The following SH3BP5L variants were observed in gnomAD, a reference collection of about 807,000 sequenced individuals.
SH3BP5L encodes SH3 binding domain protein 5 like, also known as SH3 domain-binding protein 5-like.
In SH3BP5L, 16 loss-of-function variants were observed where a neutral mutation model predicts 40.9. That is an observed-to-expected ratio of 0.39 (90% CI 0.27 to 0.59). The LOEUF is 0.59. Among genes scored for constraint, SH3BP5L ranks in the 20% least tolerant of loss-of-function variants. The pLI is 0.53. For missense variants in SH3BP5L, 471 were observed against 544.6 expected (o/e 0.86, Z 1.35); for synonymous variants, 229 against 226.7 (o/e 1.01, Z -0.09).
rs909175950 is a variant in SH3BP5L, at chr1:248,821,246, G to C, written c.183+3507C>G. 2.6e-5 allele frequency: 4 copies of C among 152,294 alleles called. No individual in the cohort carries two copies. Among genetic ancestry groups the C allele is most frequent in the Non-Finnish European group, 5.9e-5 (4 of 68,106 alleles). The allele number at this position is 152,294 out of a possible 1,614,324, so 9.4% of individuals were successfully genotyped here. Reference sequence around the variant, plus strand: ...ATTCCATTTGGCCTGCTTCACCAGGGACTCCTGGCACTCAGCTGAAACGGA... The same window carrying C: ...ATTCCATTTGGCCTGCTTCACCAGGCACTCCTGGCACTCAGCTGAAACGGA... On this transcript the variant is annotated intron_variant, in intron 2 of 6. Transcript: ENST00000366472. This position sits in a 1 kb window ranked among gnomAD's most constrained non-coding sequence, Gnocchi z 4.6.
rs1187013572 is a variant in SH3BP5L at position 248,811,135 on chromosome 1, G to A, written c.*765C>T. 6.6e-6 allele frequency: 1 copy of A among 152,630 alleles called. No individual in the cohort carries two copies. Among genetic ancestry groups the A allele is most frequent in the East Asian group, 1.9e-4 (1 of 5,198 alleles). 9.5% of individuals were successfully genotyped at this position (152,630 alleles called of 1,614,324 possible). A position where few individuals can be genotyped will look rare whatever the true frequency, so the allele number is the denominator to read the frequency against. On this transcript the variant is annotated 3_prime_UTR_variant, in exon 7 of 7. Coordinates refer to ENST00000366472, the MANE Select transcript of SH3BP5L (RefSeq NM_030645.3). ...CCCACTAGCACCTTGGCAATGTTGA[G>A]GACCCAGCCCAGCGGAAACACCATA...
Position 248,821,696 on chromosome 1 carries a change from C to G in SH3BP5L, c.183+3057G>C, listed in dbSNP as rs1558230749. ...TTCCTCTTCCCTCCACTGGAACCCTCTCGGAAAGCTGAGGATGAGCCTGGA... is the reference window on the plus strand; with the variant it reads ...TTCCTCTTCCCTCCACTGGAACCCTGTCGGAAAGCTGAGGATGAGCCTGGA... On this transcript the variant is annotated intron_variant, in intron 2 of 6. Coordinates refer to ENST00000366472, the MANE Select transcript of SH3BP5L (RefSeq NM_030645.3). The surrounding 1 kb of genome is among the most constrained non-coding windows in gnomAD (Gnocchi z 4.6). Among the ~76,000 whole-genome samples the G allele has an allele frequency of 6.6e-6, 1 of 152,050 alleles. No homozygotes were observed. Among genetic ancestry groups the G allele is most frequent in the Non-Finnish European group, 1.5e-5 (1 of 68,014 alleles).
In SH3BP5L at chr1:248,812,078, A is replaced by G; in HGVS notation, c.1004T>C (p.Leu335Pro). The part of the protein sequence containing the change: ...GPAPDTDTLS[L>P]LSLRTVASDL... The stretch of plus-strand genomic sequence containing the variant: ...TGAAGCCACCGTGCGCAGGCTCAGC[A>G]GACTCAGGGTATCGGTGTCGGGGGC... Residue 335 changes from leucine to proline, a missense_variant, in exon 7 of 7, where the codon CTG becomes CCG. This residue lies in a region of SH3BP5L where 196 missense variants were observed against 174.6 expected (regional missense o/e 1.12). Coordinates refer to ENST00000366472, the MANE Select transcript of SH3BP5L (RefSeq NM_030645.3). This position sits in a 1 kb window ranked among gnomAD's most constrained non-coding sequence, Gnocchi z 6.1. 6.2e-7 allele frequency: 1 copy of G among 1,612,796 alleles called. No individual in the cohort carries two copies.
Position 248,814,488 on chromosome 1 carries a change from G to A in SH3BP5L, c.498C>T (p.Asp166=). The A allele has an allele frequency of 6.2e-7, 1 of 1,614,202 alleles. No individual in the cohort carries two copies. The highest frequency in any genetic ancestry group is 1.1e-5 in the South Asian group (1 of 91,082). ...QGVMADKNRL[D]PTWQEMLNHA... is the part of the protein sequence containing the mutation. ...GGTTCAGCATCTCCTGCCACGTGGG[G>A]TCCAGTCGGTTCTTGTCAGCCATGA... The change falls in exon 5 of 7, where the codon GAC becomes GAT. Residue 166 remains aspartate, a synonymous_variant. Coordinates refer to ENST00000366472, the MANE Select transcript of SH3BP5L (RefSeq NM_030645.3).
chr1:248,813,838 TC>T, intron 5 of SH3BP5L: 1 of 159,944 alleles, frequency 6.3e-6, no homozygotes, highest in Non-Finnish European at 1.4e-5. Flanking sequence ...CCCTAACCCC[TC>T]CCCCCGTGCT....
chr1:248,817,071 T>A, intron 2 of SH3BP5L, 187 bp from the exon 3 acceptor site: 1 of 1,525,674 alleles, frequency 6.6e-7, no homozygotes, highest in Non-Finnish European at 8.8e-7. Flanking sequence ...ACCTGATACA[T>A]ACAATCTCAC....
At position 248,812,437 on chromosome 1, in the gene SH3BP5L, C is replaced by T; in HGVS notation, c.712-67G>A. Reference sequence around the variant, plus strand: ...TCTCCACCTTCCTCAGCACTCTGCACTGAGGTCTGAGGGCCTGCTCTCCCA... The same window carrying T: ...TCTCCACCTTCCTCAGCACTCTGCATTGAGGTCTGAGGGCCTGCTCTCCCA... On this transcript the variant is annotated intron_variant, in intron 6 of 6. Transcript: ENST00000366472. This position sits in a 1 kb window ranked among gnomAD's most constrained non-coding sequence, Gnocchi z 6.1. 1.6e-6 allele frequency: 2 copies of T among 1,228,038 alleles called. No homozygotes were observed. 76.1% of individuals were successfully genotyped at this position (1,228,038 alleles called of 1,614,324 possible). A position where few individuals can be genotyped will look rare whatever the true frequency, so the allele number is the denominator to read the frequency against.
intron 2 of SH3BP5L, among the ~76,000 whole-genome samples, chr1:248,818,647 G>C (rs1350005926): frequency 3.3e-5 from 5 of 152,206 alleles, no homozygotes; most frequent in Non-Finnish European, 2.9e-5. Flanking sequence ...AAGGACTGGA[G>C]AGAGAAGCAA....
At chr1:248,816,339 T>G in intron 4 of SH3BP5L, 195 bp downstream of exon 4, 2 of 593,344 alleles carry the variant, frequency 3.4e-6, no homozygotes, top group Non-Finnish European at 5.9e-6. Context: ...CCTCACCATT[T>G]TATAGACCAT....
At chr1:248,820,178 G>A (rs2103017698) in intron 2 of SH3BP5L, among the ~76,000 whole-genome samples, 1 of 152,246 alleles carries the variant, frequency 6.6e-6, no homozygotes, top group East Asian at 1.9e-4. Context: ...TGCATCTACA[G>A]TGTCCCACAA....
At position 248,812,016 on chromosome 1, in the gene SH3BP5L, C is replaced by G; in HGVS notation, c.1066G>C (p.Gly356Arg). The change falls in exon 7 of 7, where the codon GGC becomes CGC. Residue 356 changes from glycine (G) to arginine (R), a missense_variant. Gly to Arg is a moderately radical substitution (Grantham distance 125). Around this residue, in one of 2 missense-constraint regions of SH3BP5L, gnomAD observed 196 missense variants for 174.6 expected, o/e 1.12. Coordinates refer to ENST00000366472, the MANE Select transcript of SH3BP5L (RefSeq NM_030645.3). This position sits in a 1 kb window ranked among gnomAD's most constrained non-coding sequence, Gnocchi z 6.1. ...QKCDSVEHLR[G>R]LSDHVSLDGQ... ...TCCAGACTGACGTGGTCCGAGAGGC[C>G]TCGCAAGTGCTCCACGGAGTCGCAC... is the stretch of plus-strand genomic sequence containing the variant. The G allele has an allele frequency of 6.2e-7, 1 of 1,611,558 alleles. No individual in the cohort carries two copies. The highest frequency in any genetic ancestry group is 1.1e-5 in the South Asian group (1 of 90,662).
Position 248,814,321 on chromosome 1 carries a change from G to T in SH3BP5L, c.537+128C>A. 5 of 1,055,896 alleles carry T rather than the reference G, an allele frequency of 4.7e-6. No homozygotes were observed. In the South Asian group the frequency reaches 6.3e-5, roughly 13 times the overall value. The allele number at this position is 1,055,896 out of a possible 1,614,324, so 65.4% of individuals were successfully genotyped here. A position where few individuals can be genotyped will look rare whatever the true frequency, so the allele number is the denominator to read the frequency against. On this transcript the variant is annotated intron_variant, in intron 5 of 6. Transcript: ENST00000366472. Reference sequence around the variant, plus strand: ...GAACAGAAAACTAGGAACAGGTTTTGCCTGAAACAGAATCAAAGTTGAAAG... The same window carrying T: ...GAACAGAAAACTAGGAACAGGTTTTTCCTGAAACAGAATCAAAGTTGAAAG...
intron 2 of SH3BP5L, among the ~76,000 whole-genome samples, chr1:248,822,673 T>C (rs553196965): frequency 1.3e-5 from 2 of 152,128 alleles, no homozygotes; most frequent in Admixed American, 1.3e-4. Context: ...GCTTTTTTTT[T>C]TTTTTCTGAG....
Position 248,812,945 on chromosome 1 carries a change from AC to A in SH3BP5L, c.711+43del. 6.6e-7 allele frequency: 1 copy of A among 1,509,898 alleles called. No individual in the cohort carries two copies. The highest frequency in any genetic ancestry group is 9.0e-7 in the Non-Finnish European group (1 of 1,116,718). 93.5% of individuals were successfully genotyped at this position (1,509,898 alleles called of 1,614,324 possible). ...CCGACCAGCATCCCCTCCAGCCTGC[AC>A]CCCCACCTACCCATTCCTCCTCCCC... is the stretch of plus-strand genomic sequence containing the variant. On this transcript the variant is annotated intron_variant, in intron 6 of 6. Coordinates refer to ENST00000366472, the MANE Select transcript of SH3BP5L (RefSeq NM_030645.3). The surrounding 1 kb of genome is among the most constrained non-coding windows in gnomAD (Gnocchi z 6.1).
Position 248,811,769 on chromosome 1 carries a change from G to T in SH3BP5L, c.*131C>A. The T allele has an allele frequency of 1.5e-6, 1 of 684,942 alleles. No homozygotes were observed. The highest frequency in any genetic ancestry group is 2.4e-6 in the Non-Finnish European group (1 of 416,758). The allele number at this position is 684,942 out of a possible 1,614,324, so 42.4% of individuals were successfully genotyped here. A position where few individuals can be genotyped will look rare whatever the true frequency, so the allele number is the denominator to read the frequency against. On this transcript the variant is annotated 3_prime_UTR_variant, in exon 7 of 7. Transcript: ENST00000366472. ...GGCACAGAGGACTCGAACACAGCTG[G>T]CCTCTCCCAGGGAAGCACTGGAGAA...
chr1:248,824,917 C>G lies in SH3BP5L; in HGVS notation c.19G>C (p.Val7Leu), dbSNP rs747181039. MAELRQ[V>L]PGGRETPQGE... ...TGTGGGGTCTCCCGCCCTCCTGGAA[C>G]CTGTCTGAGCTCAGCCATGCTGACA... The change falls in exon 2 of 7, where the codon GTT becomes CTT. Residue 7 changes from valine (V) to leucine (L), a missense_variant. By Grantham distance (32) the Val-to-Leu change is conservative. Transcript: ENST00000366472. 6 of 1,613,406 alleles carry G rather than the reference C, an allele frequency of 3.7e-6. No homozygotes were observed. The highest frequency in any genetic ancestry group is 5.1e-6 in the Non-Finnish European group (6 of 1,179,734).
rs1664046816 is a variant in SH3BP5L at position 248,814,570 on chromosome 1, C to T, written c.416G>A (p.Arg139Gln). The T allele has an allele frequency of 6.2e-7, 1 of 1,614,192 alleles. No homozygotes were observed. ...ETQKAALRYERAVSMHNAARE... is the reference protein window; with the variant it reads ...ETQKAALRYEQAVSMHNAARE... ...AGCAGCGTTGTGCATGCTTACGGCC[C>T]GCTCGTACCGCAGCGCTGCCTTCTG... The change falls in exon 5 of 7, where the codon CGG becomes CAG. Residue 139 changes from arginine (R) to glutamine (Q), a missense_variant. Coordinates refer to ENST00000366472, the MANE Select transcript of SH3BP5L (RefSeq NM_030645.3).
At chr1:248,817,074 A>C in intron 2 of SH3BP5L, 190 bp from the exon 3 acceptor site, 1 of 1,524,220 alleles carries the variant, frequency 6.6e-7, no homozygotes, top group South Asian at 1.2e-5. Flanking sequence ...TGATACATAC[A>C]ATCTCACGTA....
At chr1:248,822,478 G>A (rs1664275940) in intron 2 of SH3BP5L, among the ~76,000 whole-genome samples, 1 of 152,168 alleles carries the variant, frequency 6.6e-6, no homozygotes, top group Non-Finnish European at 1.5e-5. Context: ...GTGTTGTGCA[G>A]TTTAGCAAGA....
Sources: allele counts gnomAD v4.1 joint callset (sites outside exome capture counted in the v4.1 genomes callset), GRCh38; gene constraint gnomAD v4.1.1; regional missense constraint gnomAD v4.1.1; non-coding constraint Gnocchi (gnomAD v3.1); transcripts MANE v1.5; gene names NCBI Gene and HGNC (gene_info 2026-07-23, HGNC 2026-07-21).